The following ZNF493 variants were observed in gnomAD, a reference collection of about 807,000 sequenced individuals.
ZNF493 encodes the protein zinc finger protein 493.
A neutral mutation model predicts 12.2 loss-of-function variants in ZNF493; 11 were observed. The observed-to-expected ratio is 0.90, with a 90% CI of 0.57 to 1.50. The LOEUF (loss-of-function observed/expected upper bound fraction) is 1.50, where lower values mean the gene tolerates loss of function less well. Among genes scored for constraint, ZNF493 ranks in the 40% most tolerant of loss-of-function variants. ZNF493 has a pLI of 0.00. For missense variants in ZNF493, 950 were observed against 906.6 expected (o/e 1.05, Z -0.61); for synonymous variants, 286 against 302.6 (o/e 0.95, Z 0.57).
chr19:21,424,963 T>TG lies in ZNF493; in HGVS notation c.2305dup (p.Glu769GlyfsTer39). 1 of 1,593,806 alleles carries TG rather than the reference T, an allele frequency of 6.3e-7. No individual in the cohort carries two copies. Among genetic ancestry groups the TG allele is most frequent in the Non-Finnish European group, 8.5e-7 (1 of 1,171,200 alleles). ...AGATAATTCATATTGGAATTCATACTGAAGAGACTGTACAAAAGTGAAGAA... is the reference window on the plus strand; with the variant it reads ...AGATAATTCATATTGGAATTCATACTGGAAGAGACTGTACAAAAGTGAAGAA... On this transcript the variant is annotated frameshift_variant, in exon 4 of 4. Coordinates refer to ENST00000392288, the MANE Select transcript of ZNF493 (RefSeq NM_001076678.3). LOFTEE classifies it high-confidence loss of function.
intron 1 of ZNF493, among the ~76,000 whole-genome samples, chr19:21,399,941 C>T (rs972311193): frequency 2.0e-5 from 3 of 152,032 alleles, no homozygotes; most frequent in African/African-American, 7.3e-5. Flanking sequence ...TGTTCAAATC[C>T]TGTTATCTTG....
At chr19:21,418,041 A>G (rs1342603660) in intron 3 of ZNF493, among the ~76,000 whole-genome samples, 1 of 152,148 alleles carries the variant, frequency 6.6e-6, no homozygotes, top group Non-Finnish European at 1.5e-5. Context: ...CCAAGCCTCT[A>G]TATCACTCTC....
chr19:21,424,607 AT>A lies in ZNF493; in HGVS notation c.1950del (p.His651IlefsTer27). The A allele has an allele frequency of 6.2e-7, 1 of 1,613,630 alleles. No homozygotes were observed. Among genetic ancestry groups the A allele is most frequent in the Non-Finnish European group, 8.5e-7 (1 of 1,179,790 alleles). ...RSSHLAGHKQ[I>X]HSVQKPYKCE... ...CTCACACCTCGCTGGGCACAAGCAA[AT>A]TCATAGTGTACAAAAACCCTACAAA... is the stretch of plus-strand genomic sequence containing the variant. On this transcript the variant is annotated frameshift_variant, in exon 4 of 4. Coordinates refer to ENST00000392288, the MANE Select transcript of ZNF493 (RefSeq NM_001076678.3). LOFTEE classifies it low-confidence loss of function (END_TRUNC).
intron 3 of ZNF493, among the ~76,000 whole-genome samples, chr19:21,418,142 C>T (rs2030550270): frequency 6.6e-6 from 1 of 152,156 alleles, no homozygotes; most frequent in Non-Finnish European, 1.5e-5. Flanking sequence ...CTACTTTTCA[C>T]CCAGTGTCCT....
At chr19:21,402,739 C>T (rs1908887456) in intron 1 of ZNF493, among the ~76,000 whole-genome samples, 1 of 152,064 alleles carries the variant, frequency 6.6e-6, no homozygotes, top group South Asian at 2.1e-4. Context: ...GTTTAGTGAC[C>T]TGCTACAGTT....
At chr19:21,411,502 CT>C (rs2030325321) in intron 3 of ZNF493, among the ~76,000 whole-genome samples, 1 of 151,996 alleles carries the variant, frequency 6.6e-6, no homozygotes, top group South Asian at 2.1e-4. Flanking sequence ...AGCAGATTGC[CT>C]GAGCTCAGGA....
chr19:21,420,319 T>G (rs139536345), intron 3 of ZNF493, among the ~76,000 whole-genome samples: 2 of 151,960 alleles, frequency 1.3e-5, no homozygotes, highest in Non-Finnish European at 2.9e-5. Flanking sequence ...TACTTCTTCC[T>G]TATTTTGTTT....
chr19:21,411,259 G>C (rs891120528), intron 3 of ZNF493, among the ~76,000 whole-genome samples: 5 of 152,056 alleles, frequency 3.3e-5, no homozygotes, highest in South Asian at 2.1e-4. Flanking sequence ...TATACAGAAG[G>C]CTTCATTTCT....
At chr19:21,408,881 C>CTT (rs201812196) in intron 3 of ZNF493, 1,189 of 593,960 alleles carry the variant, frequency 2.0e-3, no homozygotes, top group Non-Finnish European at 2.3e-3. Context: ...TTCTTTCTTT[C>CTT]TTTTTTTTTT....
At chr19:21,418,956 TTTTC>T (rs976126324) in intron 3 of ZNF493, among the ~76,000 whole-genome samples, 1 of 152,124 alleles carries the variant, frequency 6.6e-6, no homozygotes, top group African/African-American at 2.4e-5. Context: ...GCTGCAGAGA[TTTTC>T]TTTATGGCCA....
At chr19:21,403,407 A>C (rs2030011597) in intron 1 of ZNF493, among the ~76,000 whole-genome samples, 1 of 152,248 alleles carries the variant, frequency 6.6e-6, no homozygotes, top group Non-Finnish European at 1.5e-5. Flanking sequence ...GGGCAGGCAC[A>C]TGAAGACAAA....
chr19:21,400,734 A>G (rs2029909796), intron 1 of ZNF493, among the ~76,000 whole-genome samples: 1 of 152,202 alleles, frequency 6.6e-6, no homozygotes, highest in Non-Finnish European at 1.5e-5. Context: ...GTTAAGGTTA[A>G]GATAAAAGGG....
At position 21,424,690 on chromosome 19, in the gene ZNF493, A is replaced by C; in HGVS notation, c.2031A>C (p.Ile677=). The change falls in exon 4 of 4, where the codon ATA becomes ATC. Residue 677 remains isoleucine (I), a synonymous_variant. Transcript: ENST00000392288. The part of the protein sequence containing the change: ...SIFSTLTKHK[I]IHTEEKPYKC... ...TCTCAACCCTTACTAAACATAAGATAATTCATACTGAAGAGAAACCCTACA... is the reference window on the plus strand; with the variant it reads ...TCTCAACCCTTACTAAACATAAGATCATTCATACTGAAGAGAAACCCTACA... The C allele has an allele frequency of 1.9e-6, 3 of 1,613,680 alleles. No individual in the cohort carries two copies. The highest frequency in any genetic ancestry group is 2.5e-6 in the Non-Finnish European group (3 of 1,179,740).
chr19:21,405,320 G>A (rs894278275), intron 2 of ZNF493, 65 bp downstream of exon 2: 3 of 1,554,084 alleles, frequency 1.9e-6, no homozygotes, highest in Non-Finnish European at 2.6e-6. Flanking sequence ...TGTTTTCATA[G>A]AATAATTTTT....
intron 3 of ZNF493, 72 bp downstream of exon 3, chr19:21,405,928 A>AAC: frequency 8.7e-7 from 1 of 1,152,704 alleles, no homozygotes; most frequent in East Asian, 2.7e-5. Context: ...AAAAAAAAAA[A>AAC]AGCCAGTCCT....
In ZNF493 at chr19:21,397,191, C is replaced by CGT; in HGVS notation, c.-41_-40dup. Reference sequence around the variant, plus strand: ...ACCCTTCACTGCTCTGTGTCCTCAGCGTGTGTGGCTTCGTGACCTGAAGAT... The same window carrying CGT: ...ACCCTTCACTGCTCTGTGTCCTCAGCGTGTGTGTGGCTTCGTGACCTGAAGAT... On this transcript the variant is annotated 5_prime_UTR_variant, in exon 1 of 4. Transcript: ENST00000392288. 6.2e-7 allele frequency: 1 copy of CGT among 1,611,056 alleles called. No homozygotes were observed. Among genetic ancestry groups the CGT allele is most frequent in the Non-Finnish European group, 8.5e-7 (1 of 1,177,180 alleles).
intron 3 of ZNF493, chr19:21,412,755 G>A (rs1287689461): frequency 7.2e-6 from 2 of 278,280 alleles, no homozygotes; most frequent in African/African-American, 2.3e-5. Flanking sequence ...ATTAACATCA[G>A]GTGTGCTTGG....
intron 2 of ZNF493, 60 bp from the exon 3 acceptor site, chr19:21,405,701 A>G (rs1252783001): frequency 1.2e-5 from 17 of 1,406,350 alleles, no homozygotes; most frequent in Non-Finnish European, 1.7e-5. Flanking sequence ...TAAGCATGGT[A>G]CTAGGTAGGT....
chr19:21,407,536 G>A (rs905919007), intron 3 of ZNF493: 65 of 586,348 alleles, frequency 1.1e-4, no homozygotes, highest in East Asian at 1.4e-4. Flanking sequence ...TGATCCGCCC[G>A]CCTCAGTCTC....
Sources: allele counts gnomAD v4.1 joint callset (sites outside exome capture counted in the v4.1 genomes callset), GRCh38; gene constraint gnomAD v4.1.1; transcripts MANE v1.5; gene names NCBI Gene and HGNC (gene_info 2026-07-23, HGNC 2026-07-21).